Variants in ANAPC7 observed in about 807,000 individuals in gnomAD.
The protein encoded by ANAPC7 is anaphase promoting complex subunit 7.
ANAPC7 carries 25 observed loss-of-function variants against 63.3 expected under a neutral mutation model. That is an observed-to-expected ratio of 0.39 (90% CI 0.29 to 0.55). The LOEUF is 0.55. Among genes scored for constraint, ANAPC7 ranks in the 20% least tolerant of loss-of-function variants. The probability of loss-of-function intolerance (pLI) is 0.57; values close to 1 mark genes in which losing one functional copy is unlikely to be tolerated. For synonymous variants in ANAPC7, 241 were observed against 251.7 expected (o/e 0.96, Z 0.40); for missense variants, 516 against 691.7 (o/e 0.75, Z 2.85).
At chr12:110,384,614 G>A (rs1882279876) in intron 6 of ANAPC7, among the ~76,000 whole-genome samples, 1 of 151,256 alleles carries the variant, frequency 6.6e-6, no homozygotes, top group Non-Finnish European at 1.5e-5. Flanking sequence ...AAACCAGGAG[G>A]TGGAGGTTGC....
At chr12:110,388,014 C>T in intron 4 of ANAPC7, 122 bp from the exon 5 acceptor site, 1 of 1,003,730 alleles carries the variant, frequency 1.0e-6, no homozygotes, top group Non-Finnish European at 1.4e-6. Context: ...CTGAGCGATG[C>T]ATGAGAGAAA....
intron 9 of ANAPC7, 93 bp downstream of exon 9, chr12:110,377,300 G>C (rs1042445676): frequency 4.5e-6 from 5 of 1,102,874 alleles, no homozygotes; most frequent in Non-Finnish European, 6.7e-6. Context: ...CACCTGTCTA[G>C]TCATCTGTAA....
chr12:110,377,438 T>A lies in ANAPC7; in HGVS notation c.1312A>T (p.Arg438Trp). The A allele has an allele frequency of 9.3e-6, 15 of 1,614,186 alleles. No homozygotes were observed. The highest frequency in any genetic ancestry group is 1.3e-5 in the Non-Finnish European group (15 of 1,180,020). ...ACCACAGCCTTAATGTAATCTGGCC[T>A]TTGGGTCAGGGCTTTATCTAATAAT... is the stretch of plus-strand genomic sequence containing the variant. ...KTLLDKALTQ[R>W]PDYIKAVVKK... Residue 438 changes from arginine to tryptophan, a missense_variant, in exon 9 of 11, where the codon AGG becomes TGG. Arg to Trp is a moderately radical substitution (Grantham distance 101). This residue lies in a region of ANAPC7 where 122 missense variants were observed against 212.0 expected (regional missense o/e 0.58). Coordinates refer to ENST00000455511, the MANE Select transcript of ANAPC7 (RefSeq NM_016238.3).
At chr12:110,382,492 A>ATATT (rs1414036203) in intron 7 of ANAPC7, among the ~76,000 whole-genome samples, 1 of 133,030 alleles carries the variant, frequency 7.5e-6, no homozygotes, top group Non-Finnish European at 1.6e-5. Context: ...ATATATATAT[A>ATATT]TATTTATAGA....
chr12:110,402,262 CGCAGAGAGTGGAGG>C (rs1450896677), intron 1 of ANAPC7, among the ~76,000 whole-genome samples: 2 of 151,832 alleles, frequency 1.3e-5, no homozygotes, highest in African/African-American at 4.8e-5. Flanking sequence ...GAGATGAAGT[CGCAGAGAGTGGAGG>C]GCAGATATTT....
In ANAPC7 at chr12:110,374,272, G is replaced by T. The variant is rs1164267547; in HGVS notation, c.1570C>A (p.Pro524Thr). The change falls in exon 11 of 11, where the codon CCC (proline) becomes ACC (threonine). Residue 524 changes from proline to threonine, a missense_variant. Pro to Thr is a conservative substitution (Grantham distance 38). Transcript: ENST00000455511. Reference protein sequence around the residue: ...GMQKMEKEESPTDATQEEDVD... With the variant: ...GMQKMEKEESTTDATQEEDVD... ...TCCTCCTCCTGAGTGGCATCCGTGGGACTCTCCTCCTTCTCCATCTTCTGC... is the reference window on the plus strand; with the variant it reads ...TCCTCCTCCTGAGTGGCATCCGTGGTACTCTCCTCCTTCTCCATCTTCTGC... The T allele has an allele frequency of 6.2e-7, 1 of 1,614,114 alleles. No homozygotes were observed. Among genetic ancestry groups the T allele is most frequent in the South Asian group, 1.1e-5 (1 of 91,082 alleles).
At chr12:110,382,441 TAAAAAAA>T (rs137996217) in intron 7 of ANAPC7, among the ~76,000 whole-genome samples, 671 of 52,952 alleles carry the variant, frequency 0.013, 16 homozygotes, top group Middle Eastern at 0.021. Context: ...ATTATCCTTT[TAAAAAAA>T]AAAAAAAAAA....
At chr12:110,391,368 C>G (rs1052513332) in intron 3 of ANAPC7, among the ~76,000 whole-genome samples, 1 of 152,174 alleles carries the variant, frequency 6.6e-6, no homozygotes, top group African/African-American at 2.4e-5. Flanking sequence ...ATTTAATAAT[C>G]TAACACTGGA....
Position 110,387,619 on chromosome 12 carries a change from G to A in ANAPC7, c.674+120C>T, listed in dbSNP as rs542356588. On this transcript the variant is annotated intron_variant, in intron 5 of 10. Coordinates refer to ENST00000455511, the MANE Select transcript of ANAPC7 (RefSeq NM_016238.3). ...CAGTATAAAAGACTAACACATCCCA[G>A]AGACTGGCTGCAGCACCAACAGCAA... 2.4e-5 allele frequency: 29 copies of A among 1,203,504 alleles called. No individual in the cohort carries two copies. In the South Asian group the frequency reaches 3.7e-4, roughly 15 times the overall value. The allele number at this position is 1,203,504 out of a possible 1,614,324, so 74.6% of individuals were successfully genotyped here.
chr12:110,380,676 C>T (rs985231424), intron 8 of ANAPC7, among the ~76,000 whole-genome samples: 11 of 143,990 alleles, frequency 7.6e-5, no homozygotes, highest in African/African-American at 1.0e-4. Context: ...AAACAGGACC[C>T]GGGCACGGTG....
Position 110,381,726 on chromosome 12 carries a change from C to T in ANAPC7, c.1132+26G>A, listed in dbSNP as rs368825963. The stretch of plus-strand genomic sequence containing the variant: ...CTGCTGCCACACCCACGGATTCACA[C>T]CATTCACCTATGTTTTCTTTCTTAC... On this transcript the variant is annotated intron_variant, in intron 8 of 10. Coordinates refer to ENST00000455511, the MANE Select transcript of ANAPC7 (RefSeq NM_016238.3). 3.7e-6 allele frequency: 6 copies of T among 1,608,530 alleles called. No individual in the cohort carries two copies. In the Admixed American group the frequency reaches 8.4e-5, roughly 22 times the overall value.
intron 1 of ANAPC7, among the ~76,000 whole-genome samples, chr12:110,401,950 CAAAAAAAAAA>C (rs747810973): frequency 2.2e-4 from 10 of 46,108 alleles, no homozygotes; most frequent in South Asian, 1.0e-3. Flanking sequence ...GACTCCGTCT[CAAAAAAAAAA>C]AAAAAAAAAA....
rs1177431039 is a variant in ANAPC7, at chr12:110,402,119, G to A, written c.101+1408C>T. Reference sequence around the variant, plus strand: ...GAACCCAGGAAGCGGAGGCTGCAGTGAGCCAAGACTGCGCCACTCAACTCC... The same window carrying A: ...GAACCCAGGAAGCGGAGGCTGCAGTAAGCCAAGACTGCGCCACTCAACTCC... On this transcript the variant is annotated intron_variant, in intron 1 of 10. Transcript: ENST00000455511. Among the ~76,000 whole-genome samples the A allele has an allele frequency of 2.0e-5, 3 of 150,872 alleles. No individual in the cohort carries two copies. In the East Asian group the frequency reaches 5.8e-4, roughly 29 times the overall value.
In ANAPC7 at chr12:110,381,773, A is replaced by C; in HGVS notation, c.1111T>G (p.Cys371Gly). The change falls in exon 8 of 11, where the codon TGT becomes GGT. Residue 371 changes from cysteine (C) to glycine (G), a missense_variant. Cys to Gly is a radical substitution (Grantham distance 159). Around this residue, in one of 4 missense-constraint regions of ANAPC7, gnomAD observed 199 missense variants for 249.3 expected, o/e 0.80. Transcript: ENST00000455511. ...TTACCTTCATAACAATCTAAGCGAC[A>C]AGGTGCGAGCCGTATGGCCTCCCGA... ...HFREAIRLAPCRLDCYEGLIE... is the reference protein window; with the variant it reads ...HFREAIRLAPGRLDCYEGLIE... 6.2e-7 allele frequency: 1 copy of C among 1,613,740 alleles called. No homozygotes were observed. Among genetic ancestry groups the C allele is most frequent in the Non-Finnish European group, 8.5e-7 (1 of 1,179,994 alleles).
intron 1 of ANAPC7, 62 bp from the exon 2 acceptor site, chr12:110,396,514 T>TTA: frequency 7.4e-7 from 1 of 1,353,156 alleles, no homozygotes; most frequent in Non-Finnish European, 9.9e-7. Flanking sequence ...CTCCCCCAGC[T>TTA]TCTTTTTTTT....
intron 1 of ANAPC7, among the ~76,000 whole-genome samples, chr12:110,398,811 G>A (rs2062179424): frequency 6.6e-6 from 1 of 151,944 alleles, no homozygotes; most frequent in African/African-American, 2.4e-5. Context: ...CTGGCGTGGT[G>A]GCACATGCCT....
chr12:110,382,451 AAAAAAAAAAAATAT>A (rs1314292480), intron 7 of ANAPC7, among the ~76,000 whole-genome samples: 50 of 69,590 alleles, frequency 7.2e-4, no homozygotes, highest in Non-Finnish European at 1.0e-3. Flanking sequence ...TAAAAAAAAA[AAAAAAAAAAAATAT>A]ATATATATAT....
chr12:110,385,301 G>GC (rs2137945751), intron 6 of ANAPC7, among the ~76,000 whole-genome samples: 1 of 152,222 alleles, frequency 6.6e-6, no homozygotes, highest in Non-Finnish European at 1.5e-5. Context: ...CCTCTCCGCA[G>GC]CCCCCGCTTT....
At position 110,373,846 on chromosome 12, in the gene ANAPC7, A is replaced by C; in HGVS notation, c.*298T>G. ...CTATTCCTTGAGCTTTTGGATTTAG[A>C]AATTAGTTATATAAAAAGTACTCTT... On this transcript the variant is annotated 3_prime_UTR_variant, in exon 11 of 11. Transcript: ENST00000455511. 1 of 294,648 alleles carries C rather than the reference A, an allele frequency of 3.4e-6. No individual in the cohort carries two copies. Among genetic ancestry groups the C allele is most frequent in the Non-Finnish European group, 6.2e-6 (1 of 161,104 alleles). 18.3% of individuals were successfully genotyped at this position (294,648 alleles called of 1,614,324 possible).
Sources: allele counts gnomAD v4.1 joint callset (sites outside exome capture counted in the v4.1 genomes callset), GRCh38; gene constraint gnomAD v4.1.1; regional missense constraint gnomAD v4.1.1; transcripts MANE v1.5; gene names NCBI Gene and HGNC (gene_info 2026-07-23, HGNC 2026-07-21).